FAM107B: variants seen among roughly 807,000 people sequenced by gnomAD.
FAM107B encodes family with sequence similarity 107 member B.
A neutral mutation model predicts 31.5 loss-of-function variants in FAM107B; 21 were observed. The observed-to-expected ratio is 0.67, with a 90% confidence interval of 0.47 to 0.96. The LOEUF is 0.96. Among genes scored for constraint, FAM107B ranks in the 40% least tolerant of loss-of-function variants. The probability of loss-of-function intolerance (pLI) is 0.00; values close to 1 mark genes in which losing one functional copy is unlikely to be tolerated. For synonymous variants in FAM107B, 157 were observed against 141.5 expected, an observed-to-expected ratio of 1.11 and a Z score of -0.78; for missense variants, 452 against 377.1, an observed-to-expected ratio of 1.20 and a Z score of -1.64.
At chr10:14,604,122 C>T in intron 2 of FAM107B, 2 of 523,706 alleles carry the variant, frequency 3.8e-6, no homozygotes, top group Non-Finnish European at 4.9e-6. Context: ...GGACCCCCCA[C>T]CCGCCCGGCC....
At chr10:14,563,234 AC>A (rs1850391146) in intron 2 of FAM107B, among the ~76,000 whole-genome samples, 1 of 152,254 alleles carries the variant, frequency 6.6e-6, no homozygotes, top group African/African-American at 2.4e-5. Flanking sequence ...TTCTCTCGTA[AC>A]AAAAAATACT....
At chr10:14,617,491 T>C (rs993991692) in intron 2 of FAM107B, among the ~76,000 whole-genome samples, 7 of 152,128 alleles carry the variant, frequency 4.6e-5, no homozygotes, top group Non-Finnish European at 7.4e-5. Flanking sequence ...GAATATGATT[T>C]AACATAAAAT....
chr10:14,581,525 C>T (rs1851636089), intron 2 of FAM107B, among the ~76,000 whole-genome samples: 1 of 152,244 alleles, frequency 6.6e-6, no homozygotes. Context: ...GCCACAGCCT[C>T]ATCCAGCCAT....
At position 14,577,749 on chromosome 10, in the gene FAM107B, A is replaced by G. The variant is rs559710123; in HGVS notation, c.470-47234T>C. Among the ~76,000 whole-genome samples the G allele has an allele frequency of 2.0e-5, 3 of 152,326 alleles. No individual in the cohort carries two copies. The South Asian group carries it at 6.2e-4, about 32-fold the overall frequency. ...ACAACACAGGTCCACATTAATAACC[A>G]TGATGAAGCAGGCCCAATGTTTTTA... On this transcript the variant is annotated intron_variant, in intron 2 of 4. Transcript: ENST00000181796.
chr10:14,536,063 G>A (rs1847574497), intron 2 of FAM107B, among the ~76,000 whole-genome samples: 1 of 152,234 alleles, frequency 6.6e-6, no homozygotes. Flanking sequence ...CCAGACCGTA[G>A]CTGGCTTGCC....
chr10:14,631,695 C>T (rs972207077), intron 2 of FAM107B, among the ~76,000 whole-genome samples: 4 of 152,270 alleles, frequency 2.6e-5, no homozygotes, highest in African/African-American at 4.8e-5. Context: ...GTCCCCACCC[C>T]GGCAACTTCA....
intron 1 of FAM107B, among the ~76,000 whole-genome samples, chr10:14,685,909 G>C (rs1854972880): frequency 6.6e-6 from 1 of 152,134 alleles, no homozygotes; most frequent in African/African-American, 2.4e-5. Flanking sequence ...AAGAAGCGAA[G>C]ACAAGCCTTG....
chr10:14,525,069 A>G (rs921137998), intron 3 of FAM107B, among the ~76,000 whole-genome samples: 2 of 152,250 alleles, frequency 1.3e-5, no homozygotes, highest in Non-Finnish European at 2.9e-5. Flanking sequence ...ATATTTTACC[A>G]CAGTGGATTA....
At chr10:14,756,688 G>A (rs190482849) in intron 1 of FAM107B, among the ~76,000 whole-genome samples, 200 of 152,204 alleles carry the variant, frequency 1.3e-3, no homozygotes, top group Admixed American at 0.01. Context: ...AATACAAATT[G>A]TTCTACCATA....
At chr10:14,561,778 T>C (rs1850264350) in intron 2 of FAM107B, among the ~76,000 whole-genome samples, 2 of 151,630 alleles carry the variant, frequency 1.3e-5, no homozygotes, top group Admixed American at 1.3e-4. Context: ...ATACTCAGAG[T>C]ATATTTTCTT....
chr10:14,767,341 G>A (rs531066038), intron 1 of FAM107B, among the ~76,000 whole-genome samples: 11 of 150,760 alleles, frequency 7.3e-5, no homozygotes, highest in Admixed American at 7.3e-4. Flanking sequence ...ATTCACCCAC[G>A]TCAGCCTCCC....
intron 1 of FAM107B, among the ~76,000 whole-genome samples, chr10:14,707,146 C>CA (rs748812931): frequency 2.8e-3 from 423 of 150,352 alleles, no homozygotes; most frequent in African/African-American, 9.3e-3. Context: ...AAAACAACAA[C>CA]AACAAAAAAA....
intron 2 of FAM107B, among the ~76,000 whole-genome samples, chr10:14,540,743 G>T (rs1848107819): frequency 6.6e-6 from 1 of 152,276 alleles, no homozygotes; most frequent in Non-Finnish European, 1.5e-5. Context: ...CCAAGCTCTG[G>T]CTCTGAAATT....
chr10:14,766,102 T>A (rs969050861), intron 1 of FAM107B, among the ~76,000 whole-genome samples: 7 of 152,228 alleles, frequency 4.6e-5, no homozygotes, highest in African/African-American at 1.7e-4. Context: ...ATCATTTACC[T>A]ATAGAGGTGA....
chr10:14,577,671 T>C (rs1403692217), intron 2 of FAM107B, among the ~76,000 whole-genome samples: 2 of 152,208 alleles, frequency 1.3e-5, no homozygotes, highest in African/African-American at 4.8e-5. Flanking sequence ...CTCAGCTCAT[T>C]TCCAAGTGCC....
intron 1 of FAM107B, among the ~76,000 whole-genome samples, chr10:14,697,773 C>T (rs1483441538): frequency 6.6e-6 from 1 of 152,134 alleles, no homozygotes; most frequent in Non-Finnish European, 1.5e-5. Context: ...ACCTTTATTG[C>T]TGTGAGGCCA....
intron 1 of FAM107B, among the ~76,000 whole-genome samples, chr10:14,767,312 G>A (rs1023560147): frequency 4.0e-5 from 6 of 151,198 alleles, no homozygotes; most frequent in Non-Finnish European, 7.4e-5. Flanking sequence ...GGCTGGTCTC[G>A]AACTCCTGAC....
At chr10:14,627,035 C>T (rs538157491) in intron 2 of FAM107B, among the ~76,000 whole-genome samples, 161 of 152,246 alleles carry the variant, frequency 1.1e-3, no homozygotes, top group African/African-American at 3.6e-3. Flanking sequence ...TCTCCGGATG[C>T]TCTTAATTAG....
chr10:14,598,792 ATC>A (rs886810658), intron 2 of FAM107B, among the ~76,000 whole-genome samples: 3 of 152,220 alleles, frequency 2.0e-5, no homozygotes, highest in Non-Finnish European at 4.4e-5. Flanking sequence ...CATTTGCCAA[ATC>A]TCAGGGACCA....
Sources: gnomAD v4.1 joint callset for allele counts (sites outside exome capture counted in the v4.1 genomes callset) on GRCh38, gnomAD v4.1.1 for gene constraint, MANE v1.5 for transcripts, NCBI Gene and HGNC (gene_info 2026-07-23, HGNC 2026-07-21) for gene names.